The following ADRA1B variants were observed in gnomAD, a reference collection of about 807,000 sequenced individuals.
ADRA1B encodes adrenoceptor alpha 1B.
ADRA1B carries 17 observed loss-of-function variants against 17.9 expected under a neutral mutation model. The observed-to-expected ratio is 0.95, with a 90% CI of 0.65 to 1.42. ADRA1B has a LOEUF of 1.42. Ranked by LOEUF, ADRA1B falls within the 40% of genes most tolerant of loss-of-function variation. The pLI, the probability that ADRA1B is intolerant of heterozygous loss-of-function variation, is 0.00. For missense variants in ADRA1B, 681 were observed against 722.1 expected (o/e 0.94, Z 0.65); for synonymous variants, 366 against 327.6 (o/e 1.12, Z -1.27).
At position 159,885,958 on chromosome 5, in the gene ADRA1B, C is replaced by T. The variant is rs571394612; in HGVS notation, c.-256+20752C>T. ...AGAAATTAAATGACTTTCTCAGAAT[C>T]AATTCATAGATGGTAGAGACTAGAT... On this transcript the variant is annotated intron_variant, in intron 1 of 2. Coordinates refer to the ADRA1B transcript ENST00000641205. Among the ~76,000 whole-genome samples the T allele has an allele frequency of 7.8e-4, 118 of 152,246 alleles. 1 individual carries two copies. The highest frequency in any genetic ancestry group is 2.6e-3 in the African/African-American group (110 of 41,528).
Position 159,917,856 on chromosome 5 carries a change from TA to T in ADRA1B, c.949+4del, listed in dbSNP as rs1190905382. ...CCTTCTTCATCGCTCTACCGCTTGG[TA>T]AGTTGGGGACTAGCAGCAGGGGGAC... On this transcript the variant is annotated splice_donor_region_variant and intron_variant, in intron 1 of 1. Transcript: ENST00000306675. 13 of 1,595,118 alleles carry T rather than the reference TA, an allele frequency of 8.1e-6. No homozygotes were observed.
chr5:159,973,415 C>T (rs1052816346), downstream of ADRA1B, among the ~76,000 whole-genome samples: 2 of 152,150 alleles, frequency 1.3e-5, no homozygotes, highest in African/African-American at 2.4e-5. Flanking sequence ...TGGGGTTCCC[C>T]GGCCAGTCCC....
chr5:159,907,247 G>T (rs922529451), intron 1 of ADRA1B, among the ~76,000 whole-genome samples: 9 of 152,288 alleles, frequency 5.9e-5, no homozygotes, highest in African/African-American at 2.2e-4. Context: ...ACACCGGCTT[G>T]ATCTCCAACC....
intron 1 of ADRA1B, among the ~76,000 whole-genome samples, chr5:159,943,910 T>TCA (rs1424257294): frequency 5.1e-5 from 7 of 136,568 alleles, no homozygotes; most frequent in African/African-American, 1.6e-4. Flanking sequence ...TCTCTGTCTC[T>TCA]CTCACACACA....
rs1561612939 is a variant in ADRA1B at position 159,972,057 on chromosome 5, C to A, written c.1128C>A (p.Arg376=). ...GCGGCCGCGGCCGCCGCCGACGCCG[C>A]CGCCGCCGTCGCCTGGGCGGCTGCG... ...QCRGRGRRRR[R]RRRRLGGCAY... The change falls in exon 2 of 2, where the codon CGC becomes CGA. Residue 376 remains arginine (R), a synonymous_variant. Transcript: ENST00000306675. The A allele has an allele frequency of 6.0e-6, 8 of 1,324,878 alleles. No individual in the cohort carries two copies. The highest frequency in any genetic ancestry group is 4.0e-5 in the Admixed American group (1 of 25,294). The allele number at this position is 1,324,878 out of a possible 1,614,324, so 82.1% of individuals were successfully genotyped here. A position where few individuals can be genotyped will look rare whatever the true frequency, so the allele number is the denominator to read the frequency against.
At position 159,916,981 on chromosome 5, in the gene ADRA1B, A is replaced by T. The variant is rs763857151; in HGVS notation, c.76A>T (p.Thr26Ser). 5.0e-6 allele frequency: 8 copies of T among 1,614,104 alleles called. No individual in the cohort carries two copies. In the East Asian group the frequency reaches 1.3e-4, roughly 27 times the overall value. ...GGGAGAGTTGAAAAATGCCAACTTCACTGGCCCCAACCAGACCTCGAGCAA... is the reference window on the plus strand; with the variant it reads ...GGGAGAGTTGAAAAATGCCAACTTCTCTGGCCCCAACCAGACCTCGAGCAA... ...HWGELKNANF[T>S]GPNQTSSNST... Residue 26 changes from threonine (T) to serine (S), a missense_variant, in exon 1 of 2, where the codon ACT (threonine) becomes TCT (serine). Transcript: ENST00000306675.
intron 1 of ADRA1B, among the ~76,000 whole-genome samples, chr5:159,893,142 T>G (rs1754004116): frequency 6.6e-6 from 1 of 152,210 alleles, no homozygotes; most frequent in Non-Finnish European, 1.5e-5. Flanking sequence ...TCTGTCATGG[T>G]TTCCTGGAAC....
chr5:159,890,713 C>T (rs1364549418), intron 1 of ADRA1B, among the ~76,000 whole-genome samples: 1 of 152,204 alleles, frequency 6.6e-6, no homozygotes, highest in Non-Finnish European at 1.5e-5. Flanking sequence ...AGCTGTATTG[C>T]CTTCTACAGT....
chr5:159,967,806 C>A (rs138227948), intron 1 of ADRA1B, among the ~76,000 whole-genome samples: 15 of 152,282 alleles, frequency 9.9e-5, no homozygotes, highest in African/African-American at 3.6e-4. Context: ...GTTGGCATCA[C>A]CCCCTCACCT....
chr5:159,955,127 A>C (rs965358757), intron 1 of ADRA1B: 7 of 984,892 alleles, frequency 7.1e-6, no homozygotes, highest in Non-Finnish European at 8.4e-6. Context: ...CAGGATACCG[A>C]AAGACAAGAA....
rs181630111 is a variant in ADRA1B at position 159,899,541 on chromosome 5, C to A, written c.-255-16578C>A. 2.2e-3 allele frequency among the ~76,000 whole-genome samples: 332 copies of A among 152,318 alleles called. 2 individuals carry two copies. The highest frequency in any genetic ancestry group is 7.5e-3 in the African/African-American group (313 of 41,558). ...AAGAATGAATTCCAGATCCATCCTCCTGAGCAGGACTCCTAAGTATGCCCA... is the reference window on the plus strand; with the variant it reads ...AAGAATGAATTCCAGATCCATCCTCATGAGCAGGACTCCTAAGTATGCCCA... On this transcript the variant is annotated intron_variant, in intron 1 of 2. Transcript: ENST00000641205.
chr5:159,988,159 C>T, the ADRA1B span, among the ~76,000 whole-genome samples: 99 of 152,080 alleles, frequency 6.5e-4, no homozygotes, highest in Non-Finnish European at 1.3e-3. Context: ...AACAAAGGGA[C>T]GGACATTTTA....
At chr5:159,984,938 A>G in the ADRA1B span, among the ~76,000 whole-genome samples, 96 of 151,376 alleles carry the variant, frequency 6.3e-4, 1 homozygote, top group African/African-American at 2.2e-3. Flanking sequence ...AGTAAATGAG[A>G]CTATGCCTCT....
chr5:159,943,641 C>T (rs1755194182), intron 1 of ADRA1B, among the ~76,000 whole-genome samples: 1 of 152,064 alleles, frequency 6.6e-6, no homozygotes, highest in Non-Finnish European at 1.5e-5. Context: ...TGAGCCTCCA[C>T]TGAGATGATT....
chr5:159,921,416 T>C (rs1178956459), intron 1 of ADRA1B, among the ~76,000 whole-genome samples: 2 of 152,256 alleles, frequency 1.3e-5, no homozygotes, highest in East Asian at 1.9e-4. Flanking sequence ...AATCTTCAGC[T>C]GCCCAGCATT....
At chr5:159,973,939 C>T (rs965554283), downstream of ADRA1B, among the ~76,000 whole-genome samples, 1 of 152,230 alleles carries the variant, frequency 6.6e-6, no homozygotes, top group Admixed American at 6.5e-5. Flanking sequence ...GAGGAACGCT[C>T]TTCCCCCATC....
chr5:159,962,930 C>CTTTTTTTTTTTTTTTTTTTTTTT (rs1287451612), intron 1 of ADRA1B, among the ~76,000 whole-genome samples: 1 of 57,410 alleles, frequency 1.7e-5, no homozygotes, highest in African/African-American at 7.4e-5. Context: ...TTTTTCTTTT[C>CTTTTTTTTTTTTTTTTTTTTTTT]TTTTCTTTTT....
intron 1 of ADRA1B, among the ~76,000 whole-genome samples, chr5:159,939,312 T>C (rs1181527345): frequency 1.1e-3 from 146 of 133,604 alleles, no homozygotes; most frequent in East Asian, 4.9e-3. Context: ...TGTGTGTGTG[T>C]GTGTGTGTGT....
intron 1 of ADRA1B, among the ~76,000 whole-genome samples, chr5:159,872,261 C>G (rs1753750930): frequency 6.6e-6 from 1 of 152,108 alleles, no homozygotes; most frequent in Non-Finnish European, 1.5e-5. Context: ...CTCTTGCTTG[C>G]AGAGATGCAG....
Sources: gnomAD v4.1 joint callset for allele counts (sites outside exome capture counted in the v4.1 genomes callset) on GRCh38, gnomAD v4.1.1 for gene constraint, MANE v1.5 for transcripts, NCBI Gene and HGNC (gene_info 2026-07-23, HGNC 2026-07-21) for gene names.